Variants in PREX1 observed in about 807,000 individuals in gnomAD.
PREX1 encodes the protein phosphatidylinositol 3,4,5-trisphosphate-dependent Rac exchanger 1 protein.
A neutral mutation model predicts 198.3 loss-of-function variants in PREX1; 41 were observed. The observed-to-expected ratio is 0.21, with a 90% CI of 0.16 to 0.27. PREX1 has a LOEUF of 0.27. PREX1 is among the 10% of genes least tolerant of loss of function. PREX1 has a pLI of 1.00. For missense variants in PREX1, 1,620 were observed against 2,200.7 expected (o/e 0.74, Z 5.28); for synonymous variants, 843 against 887.2 (o/e 0.95, Z 0.89).
rs1007433172 is a variant in PREX1, at chr20:48,810,887, C to CA, written c.219+16754dup. Among the ~76,000 whole-genome samples the CA allele has an allele frequency of 6.7e-5, 10 of 148,614 alleles. No homozygotes were observed. The East Asian group carries it at 9.9e-4, about 15-fold the overall frequency. On this transcript the variant is annotated intron_variant, in intron 1 of 39. Coordinates refer to ENST00000371941, the MANE Select transcript of PREX1 (RefSeq NM_020820.4). Reference sequence around the variant, plus strand: ...GGGCGACAAGAGCCAGACTCCTCCTCAAAAAAAAAATAATAATAATAATTA... The same window carrying CA: ...GGGCGACAAGAGCCAGACTCCTCCTCAAAAAAAAAAATAATAATAATAATTA...
At chr20:48,864,224 T>C in the PREX1 span, among the ~76,000 whole-genome samples, 8 of 152,204 alleles carry the variant, frequency 5.3e-5, no homozygotes, top group Non-Finnish European at 1.0e-4. Flanking sequence ...AAATGACAAG[T>C]TCTCCTTGTT....
intron 18 of PREX1, among the ~76,000 whole-genome samples, chr20:48,656,688 G>A (rs369949221): frequency 6.6e-6 from 1 of 152,068 alleles, no homozygotes; most frequent in Non-Finnish European, 1.5e-5. Context: ...CCCTTTCCCG[G>A]GTTTATAGAA....
intron 15 of PREX1, among the ~76,000 whole-genome samples, chr20:48,661,556 T>TACACACAC (rs374276217): frequency 7.8e-6 from 1 of 127,888 alleles, no homozygotes; most frequent in African/African-American, 2.9e-5. Context: ...TATATATATA[T>TACACACAC]ACACACACAC....
intron 15 of PREX1, among the ~76,000 whole-genome samples, chr20:48,664,523 G>A (rs545846197): frequency 2.2e-4 from 33 of 152,342 alleles, no homozygotes; most frequent in African/African-American, 7.9e-4. Context: ...GGCAGGCAGG[G>A]CACCCTGGCA....
intron 5 of PREX1, among the ~76,000 whole-genome samples, chr20:48,719,307 C>A (rs1006583699): frequency 2.0e-5 from 3 of 152,178 alleles, no homozygotes; most frequent in South Asian, 2.1e-4. Context: ...GGCAGGACCC[C>A]CCCCCCAACT....
the PREX1 span, among the ~76,000 whole-genome samples, chr20:48,872,899 A>C: frequency 6.6e-6 from 1 of 152,254 alleles, no homozygotes; most frequent in Non-Finnish European, 1.5e-5. Flanking sequence ...AAGAGGAAGT[A>C]ACATTTACTC....
intron 6 of PREX1, among the ~76,000 whole-genome samples, chr20:48,704,870 T>C (rs1434475345): frequency 6.6e-6 from 1 of 152,184 alleles, no homozygotes; most frequent in African/African-American, 2.4e-5. Context: ...TCTTTCTTCT[T>C]AAGAGTACAC....
At chr20:48,686,799 A>G (rs2089787709) in intron 10 of PREX1, among the ~76,000 whole-genome samples, 1 of 152,250 alleles carries the variant, frequency 6.6e-6, no homozygotes, top group Non-Finnish European at 1.5e-5. Flanking sequence ...GGCGCCCTGC[A>G]GGTTTGAACC....
chr20:48,663,746 G>T (rs1294101277), intron 15 of PREX1, among the ~76,000 whole-genome samples: 1 of 152,200 alleles, frequency 6.6e-6, no homozygotes, highest in African/African-American at 2.4e-5. Flanking sequence ...TGTGGCTCAG[G>T]GTTTTCTGAA....
chr20:48,825,000 G>T (rs1390782986), intron 1 of PREX1, among the ~76,000 whole-genome samples: 1 of 152,132 alleles, frequency 6.6e-6, no homozygotes, highest in Non-Finnish European at 1.5e-5. Flanking sequence ...GAGACAGCAG[G>T]GAAAATCCCT....
chr20:48,669,822 C>G (rs2089663256), intron 14 of PREX1, among the ~76,000 whole-genome samples: 1 of 152,060 alleles, frequency 6.6e-6, no homozygotes, highest in Non-Finnish European at 1.5e-5. Flanking sequence ...CTGGAGAGAA[C>G]CACTGAGGAA....
chr20:48,642,641 G>A, intron 27 of PREX1, 152 bp from the exon 28 acceptor site: 3 of 644,416 alleles, frequency 4.7e-6, no homozygotes, highest in Non-Finnish European at 7.9e-6. Flanking sequence ...GAGCCACAGG[G>A]CAAATCACCT....
chr20:48,702,394 G>A (rs2089879859), intron 6 of PREX1, among the ~76,000 whole-genome samples: 1 of 152,134 alleles, frequency 6.6e-6, no homozygotes, highest in Admixed American at 6.6e-5. Context: ...TGCCAAATGA[G>A]GCAGCCCCTC....
intron 4 of PREX1, among the ~76,000 whole-genome samples, chr20:48,733,399 T>C (rs2122723293): frequency 6.6e-6 from 1 of 152,222 alleles, no homozygotes; most frequent in South Asian, 2.1e-4. Flanking sequence ...CAGCAATTGG[T>C]TCAGGGATAA....
At chr20:48,780,152 C>G (rs2090281833) in intron 1 of PREX1, among the ~76,000 whole-genome samples, 1 of 152,030 alleles carries the variant, frequency 6.6e-6, no homozygotes, top group Non-Finnish European at 1.5e-5. Flanking sequence ...TCCTGGATAC[C>G]ATGGCATCCA....
chr20:48,819,947 C>T, intron 1 of PREX1, among the ~76,000 whole-genome samples: 1 of 152,246 alleles, frequency 6.6e-6, no homozygotes, highest in East Asian at 1.9e-4. Flanking sequence ...CCCACCCTCC[C>T]AGCAAGGGGG....
In PREX1 at chr20:48,636,473, G is replaced by T; in HGVS notation, c.4157C>A (p.Pro1386Gln). ...VLLHCQSLLS[P>Q]ATVKEERTML... is the part of the protein sequence containing the mutation. The stretch of plus-strand genomic sequence containing the variant: ...GCCCCACTCACTCACCACTGTGGCT[G>T]GCGAGAGCAGGGACTGGCAGTGCAG... Residue 1386 changes from proline (P) to glutamine (Q), a missense_variant, in exon 32 of 40, where the codon CCA becomes CAA. Physicochemically the swap from Pro to Gln is moderately conservative, Grantham distance 76. Around this residue, in one of 7 missense-constraint regions of PREX1, gnomAD observed 476 missense variants for 603.4 expected, o/e 0.79. Transcript: ENST00000371941. The T allele has an allele frequency of 6.2e-7, 1 of 1,604,598 alleles. No homozygotes were observed.
At position 48,642,275 on chromosome 20, in the gene PREX1, CTGGGGT is replaced by C. The variant is rs759557545; in HGVS notation, c.3685-23_3685-18del. 4 of 1,613,706 alleles carry C rather than the reference CTGGGGT, an allele frequency of 2.5e-6. No homozygotes were observed. The South Asian group carries it at 4.4e-5, about 18-fold the overall frequency. ...GGAGTCCACCTGGGTGGCAAGAAGC[CTGGGGT>C]TGGTTTGGGCCCCGTGGCCCTACAC... On this transcript the variant is annotated intron_variant, in intron 28 of 39. Transcript: ENST00000371941.
chr20:48,733,705 C>CTGCTGTTGTTGTTGT (rs2090044509), intron 4 of PREX1, among the ~76,000 whole-genome samples: 2 of 151,086 alleles, frequency 1.3e-5, no homozygotes, highest in African/African-American at 4.9e-5. Flanking sequence ...GTTGTTGTTG[C>CTGCTGTTGTTGTTGT]TGTTGTTGTT....
Sources: gnomAD v4.1 joint callset for allele counts (sites outside exome capture counted in the v4.1 genomes callset) on GRCh38, gnomAD v4.1.1 for gene constraint, gnomAD v4.1.1 regional missense constraint, MANE v1.5 for transcripts, NCBI Gene and HGNC (gene_info 2026-07-23, HGNC 2026-07-21) for gene names.